The following SLC35A1 variants were observed in gnomAD, a reference collection of about 807,000 sequenced individuals.
SLC35A1 encodes solute carrier family 35 member A1, also known as CMP-sialic acid transporter.
Under a neutral mutation model 40.3 loss-of-function variants are expected in SLC35A1, and 21 were observed. That is an observed-to-expected ratio of 0.52 (90% CI 0.37 to 0.75). The LOEUF is 0.75. SLC35A1 is among the 30% of genes least tolerant of loss of function. SLC35A1 has a pLI of 0.00. For synonymous variants in SLC35A1, 146 were observed against 147.3 expected (o/e 0.99, Z 0.06); for missense variants, 297 against 382.1 (o/e 0.78, Z 1.86).
rs1770200805 is a variant in SLC35A1 at position 87,509,872 on chromosome 6, T to C, written c.886+697T>C. On this transcript the variant is annotated intron_variant, in intron 7 of 7. Coordinates refer to ENST00000369552, the MANE Select transcript of SLC35A1 (RefSeq NM_006416.5). ...ATTTCAGGGTGCTTTTATAGTGTAATAATTTTCTTTACTGATCAATTATTA... is the reference window on the plus strand; with the variant it reads ...ATTTCAGGGTGCTTTTATAGTGTAACAATTTTCTTTACTGATCAATTATTA... Among the ~76,000 whole-genome samples, 3 of 152,226 alleles carry C rather than the reference T, an allele frequency of 2.0e-5. No homozygotes were observed. The South Asian group carries it at 6.2e-4, about 32-fold the overall frequency.
intron 2 of SLC35A1, among the ~76,000 whole-genome samples, chr6:87,495,564 AG>A (rs1769700987): frequency 6.6e-6 from 1 of 152,030 alleles, no homozygotes; most frequent in East Asian, 1.9e-4. Flanking sequence ...GGTGTTGGGG[AG>A]GAAGTAAAAA....
At chr6:87,508,636 A>ATT (rs570166119) in intron 6 of SLC35A1, 40 bp downstream of exon 6, 4 of 1,441,612 alleles carry the variant, frequency 2.8e-6, no homozygotes, top group African/African-American at 1.4e-5. Context: ...TAGATCCTTT[A>ATT]TTTTTTTTTT....
chr6:87,506,420 T>A lies in SLC35A1; in HGVS notation c.546T>A (p.Ala182=). 2 of 1,613,752 alleles carry A rather than the reference T, an allele frequency of 1.2e-6. No homozygotes were observed. Among genetic ancestry groups the A allele is most frequent in the East Asian group, 4.5e-5 (2 of 44,824 alleles). Residue 182 remains alanine (A), a synonymous_variant, in exon 5 of 8, where the codon GCT becomes GCA. Coordinates refer to ENST00000369552, the MANE Select transcript of SLC35A1 (RefSeq NM_006416.5). The part of the protein sequence containing the change: ...QNPLLGFGAI[A]IAVLCSGFAG... The stretch of plus-strand genomic sequence containing the variant: ...CATTATTAGGGTTTGGCGCTATAGC[T>A]ATTGCTGTATTGTGCTCAGGATTTG...
At chr6:87,486,140 T>C (rs1458066183) in intron 2 of SLC35A1, among the ~76,000 whole-genome samples, 1 of 152,198 alleles carries the variant, frequency 6.6e-6, no homozygotes, top group African/African-American at 2.4e-5. Flanking sequence ...GTTTATTTAG[T>C]ATGGTCTCTG....
At position 87,493,666 on chromosome 6, in the gene SLC35A1, T is replaced by G. The variant is rs117861963; in HGVS notation, c.195-6842T>G. ...AATAGATAAGGAGTAGTTTCAGAATTTCTAATATTTACCTGAGAAAAAAAC... is the reference window on the plus strand; with the variant it reads ...AATAGATAAGGAGTAGTTTCAGAATGTCTAATATTTACCTGAGAAAAAAAC... On this transcript the variant is annotated intron_variant, in intron 2 of 7. Coordinates refer to ENST00000369552, the MANE Select transcript of SLC35A1 (RefSeq NM_006416.5). Among the ~76,000 whole-genome samples the G allele has an allele frequency of 7.5e-4, 114 of 152,346 alleles. 5 individuals are homozygous for G. The East Asian group carries it at 0.021, about 28-fold the overall frequency.
At chr6:87,496,754 T>A (rs1769737034) in intron 2 of SLC35A1, among the ~76,000 whole-genome samples, 1 of 128,306 alleles carries the variant, frequency 7.8e-6, no homozygotes, top group African/African-American at 3.1e-5. Flanking sequence ...CACTCTAGCC[T>A]GGGTGACATG....
chr6:87,511,576 C>G lies in SLC35A1; in HGVS notation c.*50C>G. 1 of 1,592,498 alleles carries G rather than the reference C, an allele frequency of 6.3e-7. No individual in the cohort carries two copies. Among genetic ancestry groups the G allele is most frequent in the South Asian group, 1.1e-5 (1 of 90,504 alleles). On this transcript the variant is annotated 3_prime_UTR_variant, in exon 8 of 8. Coordinates refer to ENST00000369552, the MANE Select transcript of SLC35A1 (RefSeq NM_006416.5). ...TTAAGACTAAACCATTTGCATTAAA[C>G]TAGAGCCTTAAGTCAATCTCAGAAG...
At chr6:87,477,928 A>G (rs907489194) in intron 2 of SLC35A1, among the ~76,000 whole-genome samples, 5 of 152,226 alleles carry the variant, frequency 3.3e-5, no homozygotes, top group African/African-American at 1.2e-4. Context: ...TGCAAAGCCT[A>G]AAATATTTAC....
Position 87,499,960 on chromosome 6 carries a change from G to A in SLC35A1, c.195-548G>A, listed in dbSNP as rs1172654958. Among the ~76,000 whole-genome samples, 3 of 152,126 alleles carry A rather than the reference G, an allele frequency of 2.0e-5. No individual in the cohort carries two copies. In the East Asian group the frequency reaches 5.8e-4, roughly 29 times the overall value. On this transcript the variant is annotated intron_variant, in intron 2 of 7. Coordinates refer to ENST00000369552, the MANE Select transcript of SLC35A1 (RefSeq NM_006416.5). ...ACTAAAAATACAAAAAATTTAGCTT[G>A]GTGTGGTGGTGGGTGCCTGTAATCC...
intron 2 of SLC35A1, among the ~76,000 whole-genome samples, chr6:87,491,659 G>A (rs1328052486): frequency 6.6e-6 from 1 of 152,178 alleles, no homozygotes; most frequent in Non-Finnish European, 1.5e-5. Flanking sequence ...CCATAGACCA[G>A]TTGGCTCAAG....
At chr6:87,495,011 C>G (rs1200877129) in intron 2 of SLC35A1, among the ~76,000 whole-genome samples, 1 of 152,080 alleles carries the variant, frequency 6.6e-6, no homozygotes, top group Non-Finnish European at 1.5e-5. Context: ...ACTCTGTCAC[C>G]CAGGCTGGAG....
In SLC35A1 at chr6:87,501,147, CTTTT is replaced by C; in HGVS notation, c.355-6_355-3del. On this transcript the variant is annotated splice_region_variant and splice_polypyrimidine_tract_variant and intron_variant, in intron 3 of 7. Coordinates refer to ENST00000369552, the MANE Select transcript of SLC35A1 (RefSeq NM_006416.5). ...TTAACTGAATTTATTAATTCATTCT[CTTTT>C]TTTTAGGTGACCTACCAGTTGAAGA... 1.2e-6 allele frequency: 2 copies of C among 1,600,304 alleles called. No individual in the cohort carries two copies. Among genetic ancestry groups the C allele is most frequent in the South Asian group, 1.1e-5 (1 of 90,760 alleles).
chr6:87,486,640 C>T (rs1032816291), intron 2 of SLC35A1, among the ~76,000 whole-genome samples: 8 of 152,088 alleles, frequency 5.3e-5, no homozygotes, highest in African/African-American at 1.9e-4. Flanking sequence ...GATAGAGGGC[C>T]TGCATTTGGA....
intron 2 of SLC35A1, among the ~76,000 whole-genome samples, chr6:87,485,140 C>T (rs770033345): frequency 6.6e-6 from 1 of 152,052 alleles, no homozygotes; most frequent in Non-Finnish European, 1.5e-5. Context: ...GTTTTATTTG[C>T]TGTGATGGAG....
chr6:87,494,089 A>T (rs1445734100), intron 2 of SLC35A1, among the ~76,000 whole-genome samples: 2 of 150,790 alleles, frequency 1.3e-5, no homozygotes, highest in African/African-American at 2.4e-5. Flanking sequence ...TTTTTTTTTA[A>T]CACAAGTATT....
At chr6:87,473,948 C>T (rs1768994451) in intron 1 of SLC35A1, among the ~76,000 whole-genome samples, 1 of 152,258 alleles carries the variant, frequency 6.6e-6, no homozygotes, top group Non-Finnish European at 1.5e-5. Flanking sequence ...GTTGCGGGGT[C>T]CATGTTTCTC....
chr6:87,480,830 T>C (rs1769222890), intron 2 of SLC35A1, among the ~76,000 whole-genome samples: 1 of 152,160 alleles, frequency 6.6e-6, no homozygotes, highest in Non-Finnish European at 1.5e-5. Flanking sequence ...CAATGGTCCA[T>C]GATTCTGATG....
chr6:87,508,635 TA>T (rs778472427), intron 6 of SLC35A1, 39 bp downstream of exon 6: 2 of 1,542,440 alleles, frequency 1.3e-6, no homozygotes, highest in Non-Finnish European at 8.9e-7. Flanking sequence ...GTAGATCCTT[TA>T]TTTTTTTTTT....
chr6:87,509,886 G>C (rs1470629970), intron 7 of SLC35A1, among the ~76,000 whole-genome samples: 2 of 151,906 alleles, frequency 1.3e-5, no homozygotes, highest in African/African-American at 2.4e-5. Context: ...TTTCTTTACT[G>C]ATCAATTATT....
Sources: gnomAD v4.1 joint callset for allele counts (sites outside exome capture counted in the v4.1 genomes callset) on GRCh38, gnomAD v4.1.1 for gene constraint, MANE v1.5 for transcripts, NCBI Gene and HGNC (gene_info 2026-07-23, HGNC 2026-07-21) for gene names.